Variants in SGSM2 observed in about 807,000 individuals in gnomAD.
The protein encoded by SGSM2 is small G protein signaling modulator 2.
Under a neutral mutation model 126.6 loss-of-function variants are expected in SGSM2, and 89 were observed. The ratio of observed to expected loss-of-function variants is 0.70; its 90% confidence interval spans 0.59 to 0.84. The LOEUF is 0.84. Among genes scored for constraint, SGSM2 ranks in the 40% least tolerant of loss-of-function variants. The pLI, the probability that SGSM2 is intolerant of heterozygous loss-of-function variation, is 0.00. For synonymous variants in SGSM2, 614 were observed against 574.3 expected (o/e 1.07, Z -0.99); for missense variants, 1,404 against 1,416.6 (o/e 0.99, Z 0.14).
At chr17:2,376,395 C>T in intron 19 of SGSM2, 134 bp downstream of exon 19, 2 of 1,176,974 alleles carry the variant, frequency 1.7e-6, no homozygotes, top group Non-Finnish European at 2.4e-6. Context: ...GCCTGGAACG[C>T]TTTTTTCCTG....
In SGSM2 at chr17:2,375,652, C is replaced by T; in HGVS notation, c.2261C>T (p.Ser754Phe). ...GACTCTCCAGACTCAGGACTGCCCT[C>T]CTCTCGCAATTACTCCGTGGCCTCG... ...EFDSPDSGLP[S>F]SRNYSVASGI... is the part of the protein sequence containing the mutation. Residue 754 changes from serine to phenylalanine, a missense_variant, in exon 18 of 24, where the codon TCC becomes TTC. By Grantham distance (155) the Ser-to-Phe change is radical. Coordinates refer to ENST00000268989, the MANE Select transcript of SGSM2 (RefSeq NM_014853.3). The T allele has an allele frequency of 6.2e-7, 1 of 1,614,038 alleles. No homozygotes were observed. Among genetic ancestry groups the T allele is most frequent in the Non-Finnish European group, 8.5e-7 (1 of 1,180,016 alleles).
In SGSM2 at chr17:2,380,485, GTGTCCCCATC is replaced by G; in HGVS notation, c.*972_*981del. The stretch of plus-strand genomic sequence containing the variant: ...ACTGCGGGAGGCAGGGGATGCATGG[GTGTCCCCATC>G]TGTCCCTGGTGAGAAGCAAGGCTAG... On this transcript the variant is annotated 3_prime_UTR_variant, in exon 24 of 24. Coordinates refer to ENST00000268989, the MANE Select transcript of SGSM2 (RefSeq NM_014853.3). 1.5e-6 allele frequency: 1 copy of G among 649,978 alleles called. No homozygotes were observed. The highest frequency in any genetic ancestry group is 2.7e-5 in the East Asian group (1 of 36,542). The allele number at this position is 649,978 out of a possible 1,614,324, so 40.3% of individuals were successfully genotyped here. A position where few individuals can be genotyped will look rare whatever the true frequency, so the allele number is the denominator to read the frequency against.
chr17:2,362,882 GC>G lies in SGSM2; in HGVS notation c.506del (p.Pro169ArgfsTer7), dbSNP rs1217534307. 1 of 1,614,174 alleles carries G rather than the reference GC, an allele frequency of 6.2e-7. No individual in the cohort carries two copies. The highest frequency in any genetic ancestry group is 1.3e-5 in the African/African-American group (1 of 75,066). ...GCACTGCTGGCAGACCCTGTGTTCG[GC>G]CCGATCCTGGCCTCTCTTCTAGGTG... ...KEALLADPVFGPILASLLVGP... is the reference protein window; with the variant it reads ...KEALLADPVFXPILASLLVGP... On this transcript the variant is annotated frameshift_variant, in exon 5 of 24. Transcript: ENST00000268989. LOFTEE classifies it high-confidence loss of function. The surrounding 1 kb of genome is among the most constrained non-coding windows in gnomAD (Gnocchi z 4.9).
chr17:2,375,313 TCCGC>T, intron 17 of SGSM2, 175 bp from the exon 18 acceptor site: 2 of 703,598 alleles, frequency 2.8e-6, no homozygotes, highest in Non-Finnish European at 4.5e-6. Context: ...CTTGTTTCTC[TCCGC>T]CTGGCTGGCT....
intron 17 of SGSM2, chr17:2,374,131 C>A (rs1194727443): frequency 6.6e-6 from 1 of 152,270 alleles, no homozygotes; most frequent in Non-Finnish European, 1.5e-5. Flanking sequence ...AAGTTCTAAA[C>A]TGTGACTGCC....
At chr17:2,377,573 C>T (rs181559847) in intron 21 of SGSM2, 10 of 269,644 alleles carry the variant, frequency 3.7e-5, no homozygotes, top group South Asian at 1.3e-4. Flanking sequence ...AAAGTTCTGG[C>T]GAACAGTAGG....
chr17:2,341,381 G>C (rs906532470), intron 1 of SGSM2, among the ~76,000 whole-genome samples: 3 of 152,168 alleles, frequency 2.0e-5, no homozygotes, highest in Admixed American at 2.0e-4. Context: ...ATGCCCAGCC[G>C]TCTAGGAAGC....
intron 2 of SGSM2, among the ~76,000 whole-genome samples, chr17:2,347,452 G>C (rs2064649012): frequency 6.7e-6 from 1 of 148,388 alleles, no homozygotes; most frequent in Non-Finnish European, 1.5e-5. Flanking sequence ...AACTACCACT[G>C]TTGGGGAGAG....
rs745999665 is a variant in SGSM2 at position 2,372,498 on chromosome 17, C to T, written c.1788+10C>T. The stretch of plus-strand genomic sequence containing the variant: ...TCAGAAGGACAAAAAGGTGCCAACC[C>T]TGGGGTTCCAGGGCCACAGGTCGAG... On this transcript the variant is annotated intron_variant, in intron 15 of 23. Coordinates refer to ENST00000268989, the MANE Select transcript of SGSM2 (RefSeq NM_014853.3). The surrounding 1 kb of genome is among the most constrained non-coding windows in gnomAD (Gnocchi z 6.0). 11 of 1,596,160 alleles carry T rather than the reference C, an allele frequency of 6.9e-6. No individual in the cohort carries two copies. Among genetic ancestry groups the T allele is most frequent in the Non-Finnish European group, 9.4e-6 (11 of 1,175,038 alleles).
chr17:2,342,075 C>G (rs889477751), intron 1 of SGSM2, among the ~76,000 whole-genome samples: 1 of 152,080 alleles, frequency 6.6e-6, no homozygotes, highest in Non-Finnish European at 1.5e-5. Context: ...GCAAAAGAAA[C>G]TAGTCACAAA....
At position 2,372,405 on chromosome 17, in the gene SGSM2, A is replaced by G; in HGVS notation, c.1705A>G (p.Ser569Gly). The G allele has an allele frequency of 6.3e-7, 1 of 1,596,412 alleles. No homozygotes were observed. Among genetic ancestry groups the G allele is most frequent in the Non-Finnish European group, 8.5e-7 (1 of 1,173,744 alleles). ...RTHLSALVHH[S>G]VIPPDRPPGA... ...CCACCTGTCGGCGCTGGTGCACCAT[A>G]GCGTTATCCCACCTGACCGGCCCCC... Residue 569 changes from serine to glycine, a missense_variant, in exon 15 of 24, where the codon AGC (serine) becomes GGC (glycine). Coordinates refer to ENST00000268989, the MANE Select transcript of SGSM2 (RefSeq NM_014853.3). This position sits in a 1 kb window ranked among gnomAD's most constrained non-coding sequence, Gnocchi z 6.0.
In SGSM2 at chr17:2,365,365, G is replaced by C. The variant is rs202088457; in HGVS notation, c.1288+24G>C. On this transcript the variant is annotated intron_variant, in intron 11 of 23. Transcript: ENST00000268989. ...CAGTGAGTGTCCCGAGCTTCATCCC[G>C]GGGGAGGAGAGGAAGACGCTCTGGG... 1.8e-4 allele frequency: 269 copies of C among 1,516,200 alleles called. 1 individual carries two copies. In the East Asian group the frequency reaches 6.5e-3, roughly 36 times the overall value. The allele number at this position is 1,516,200 out of a possible 1,614,324, so 93.9% of individuals were successfully genotyped here. A position where few individuals can be genotyped will look rare whatever the true frequency, so the allele number is the denominator to read the frequency against.
At chr17:2,349,374 A>C (rs1179157040) in intron 2 of SGSM2, among the ~76,000 whole-genome samples, 4 of 21,976 alleles carry the variant, frequency 1.8e-4, no homozygotes, top group Admixed American at 4.8e-4. Flanking sequence ...GACTTGGTCT[A>C]AAAAAAAAAA....
chr17:2,373,146 G>A, intron 16 of SGSM2, 65 bp downstream of exon 16: 1 of 1,594,362 alleles, frequency 6.3e-7, no homozygotes, highest in South Asian at 1.1e-5. Flanking sequence ...CGCCAGGGAG[G>A]GGACCTTGGA....
intron 1 of SGSM2, among the ~76,000 whole-genome samples, chr17:2,340,793 C>T (rs755530700): frequency 1.3e-5 from 2 of 152,026 alleles, no homozygotes; most frequent in South Asian, 2.1e-4. Context: ...ACCATGTTAG[C>T]CAGGATGGTC....
In SGSM2 at chr17:2,362,559, C is replaced by T. The variant is rs886497496; in HGVS notation, c.459-279C>T. On this transcript the variant is annotated intron_variant, in intron 4 of 23. Transcript: ENST00000268989. This position sits in a 1 kb window ranked among gnomAD's most constrained non-coding sequence, Gnocchi z 4.9. ...TGACCGCCTCGTTCCCCAAGCAGCCCCTCCCTTGACCCGTCTCCCGACGTC... is the reference window on the plus strand; with the variant it reads ...TGACCGCCTCGTTCCCCAAGCAGCCTCTCCCTTGACCCGTCTCCCGACGTC... Among the ~76,000 whole-genome samples, 8 of 152,100 alleles carry T rather than the reference C, an allele frequency of 5.3e-5. No individual in the cohort carries two copies. Among genetic ancestry groups the T allele is most frequent in the African/African-American group, 1.2e-4 (5 of 41,414 alleles).
rs1422883147 is a variant in SGSM2, at chr17:2,380,411, G to C, written c.*891G>C. 9.3e-6 allele frequency: 10 copies of C among 1,069,806 alleles called. No individual in the cohort carries two copies. Among genetic ancestry groups the C allele is most frequent in the African/African-American group, 4.7e-5 (3 of 63,942 alleles). 66.3% of individuals were successfully genotyped at this position (1,069,806 alleles called of 1,614,324 possible). A position where few individuals can be genotyped will look rare whatever the true frequency, so the allele number is the denominator to read the frequency against. On this transcript the variant is annotated 3_prime_UTR_variant, in exon 24 of 24. Coordinates refer to ENST00000268989, the MANE Select transcript of SGSM2 (RefSeq NM_014853.3). Reference sequence around the variant, plus strand: ...AGCCTCCCCTCAGAGACAGGCCTCAGTTCGAGGGCAGCCCATTATCTGTCG... The same window carrying C: ...AGCCTCCCCTCAGAGACAGGCCTCACTTCGAGGGCAGCCCATTATCTGTCG...
chr17:2,374,221 T>C (rs1053014621), intron 17 of SGSM2: 10 of 152,250 alleles, frequency 6.6e-5, no homozygotes, highest in African/African-American at 2.4e-4. Flanking sequence ...TTAGATAATG[T>C]GTATTCTTGT....
chr17:2,348,751 G>A (rs2064714721), intron 2 of SGSM2, among the ~76,000 whole-genome samples: 1 of 151,942 alleles, frequency 6.6e-6, no homozygotes, highest in African/African-American at 2.4e-5. Context: ...ATTCTACTTT[G>A]GTTTTTATTT....
Sources: gnomAD v4.1 joint callset for allele counts (sites outside exome capture counted in the v4.1 genomes callset) on GRCh38, gnomAD v4.1.1 for gene constraint, Gnocchi (gnomAD v3.1) non-coding constraint, MANE v1.5 for transcripts, NCBI Gene and HGNC (gene_info 2026-07-23, HGNC 2026-07-21) for gene names.